IL7R: variants seen among roughly 807,000 people sequenced by gnomAD.
IL7R encodes interleukin 7 receptor, also known as interleukin-7 receptor subunit alpha.
Under a neutral mutation model 47.0 loss-of-function variants are expected in IL7R, and 38 were observed. That is an observed-to-expected ratio of 0.81 (90% CI 0.62 to 1.06). IL7R has a LOEUF of 1.06. Ranked by LOEUF, IL7R falls within the 50% of genes least tolerant of loss-of-function variation. The pLI, the probability that IL7R is intolerant of heterozygous loss-of-function variation, is 0.00. For missense variants in IL7R, 633 were observed against 534.8 expected (o/e 1.18, Z -1.81); for synonymous variants, 221 against 199.8 (o/e 1.11, Z -0.89).
chr5:35,870,382 T>A (rs1423905120), intron 3 of IL7R, among the ~76,000 whole-genome samples: 1 of 152,168 alleles, frequency 6.6e-6, no homozygotes, highest in Admixed American at 6.5e-5. Flanking sequence ...CCTGAGGACA[T>A]TCTGGAAGGT....
intron 4 of IL7R, among the ~76,000 whole-genome samples, chr5:35,871,968 C>T (rs949927745): frequency 3.3e-5 from 5 of 152,118 alleles, no homozygotes; most frequent in African/African-American, 1.2e-4. Context: ...CCAAGATTGG[C>T]CTTGTTTGTT....
rs1760261021 is a variant in IL7R at position 35,878,133 on chromosome 5, T to A, written c.*1647T>A. The A allele has an allele frequency of 4.3e-6, 1 of 233,212 alleles. No homozygotes were observed. Among genetic ancestry groups the A allele is most frequent in the Admixed American group, 5.6e-5 (1 of 17,784 alleles). The allele number at this position is 233,212 out of a possible 1,614,324, so 14.4% of individuals were successfully genotyped here. A position where few individuals can be genotyped will look rare whatever the true frequency, so the allele number is the denominator to read the frequency against. On this transcript the variant is annotated 3_prime_UTR_variant, in exon 8 of 8. Coordinates refer to ENST00000303115, the MANE Select transcript of IL7R (RefSeq NM_002185.5). ...GATGAATGGACCTTATCTGTTGGCT[T>A]AAAGGACTGGTAAGATCAGACCATC...
At chr5:35,861,632 T>G (rs1759822182) in intron 2 of IL7R, among the ~76,000 whole-genome samples, 1 of 152,162 alleles carries the variant, frequency 6.6e-6, no homozygotes, top group Non-Finnish European at 1.5e-5. Flanking sequence ...ATCCTCTCAA[T>G]GTAAATTTTC....
rs190597330 is a variant in IL7R at position 35,876,641 on chromosome 5, T to C, written c.*155T>C. 1.1e-4 allele frequency: 83 copies of C among 781,488 alleles called. No individual in the cohort carries two copies. The East Asian group carries it at 2.0e-3, about 19-fold the overall frequency. 48.4% of individuals were successfully genotyped at this position (781,488 alleles called of 1,614,324 possible). ...GATTCTGAAACATTGCTTTGACCAC[T>C]CTTCCTGAGTTCAGTGGCACTCAAC... On this transcript the variant is annotated 3_prime_UTR_variant, in exon 8 of 8. Coordinates refer to ENST00000303115, the MANE Select transcript of IL7R (RefSeq NM_002185.5).
intron 1 of IL7R, among the ~76,000 whole-genome samples, chr5:35,858,159 C>G (rs898581498): frequency 9.9e-5 from 15 of 152,114 alleles, no homozygotes; most frequent in African/African-American, 2.7e-4. Flanking sequence ...ACTAGTTCAC[C>G]CTGGTGATCA....
chr5:35,857,905 A>G (rs1368413434), intron 1 of IL7R, among the ~76,000 whole-genome samples: 1 of 152,212 alleles, frequency 6.6e-6, no homozygotes, highest in African/African-American at 2.4e-5. Context: ...GGCTATAGAC[A>G]ATATCAAACA....
At chr5:35,868,110 C>T (rs1425406063) in intron 3 of IL7R, among the ~76,000 whole-genome samples, 1 of 152,112 alleles carries the variant, frequency 6.6e-6, no homozygotes, top group Non-Finnish European at 1.5e-5. Context: ...AGCAGATTTT[C>T]TGTATTGTAC....
At chr5:35,875,716 C>T (rs1160577171) in intron 7 of IL7R, 129 bp downstream of exon 7, 24 of 819,858 alleles carry the variant, frequency 2.9e-5, no homozygotes, top group Non-Finnish European at 5.1e-5. Context: ...TAGGGTCCCT[C>T]CTAAGACCCT....
chr5:35,860,927 A>C lies in IL7R; in HGVS notation c.158A>C (p.His53Pro). ...CAGTTGGAAGTGAATGGATCGCAGC[A>C]CTCACTGACCTGTGCTTTTGAGGAC... is the stretch of plus-strand genomic sequence containing the variant. ...YSQLEVNGSQ[H>P]SLTCAFEDPD... Residue 53 changes from histidine to proline, a missense_variant, in exon 2 of 8, where the codon CAC (histidine) becomes CCC (proline). Transcript: ENST00000303115. The C allele has an allele frequency of 6.2e-7, 1 of 1,613,502 alleles. No individual in the cohort carries two copies.
chr5:35,874,675 T>G, intron 6 of IL7R, 133 bp downstream of exon 6: 2 of 752,782 alleles, frequency 2.7e-6, no homozygotes, highest in South Asian at 2.9e-5. Flanking sequence ...AGTATCCCTA[T>G]CTATCCTCAG....
At position 35,873,769 on chromosome 5, in the gene IL7R, C is replaced by T. The variant is rs918112331; in HGVS notation, c.706+121C>T. ...AAATAGGACACCCTTGGAGGGCACT[C>T]TTACACTTTCTTTGGAGAATGACTT... On this transcript the variant is annotated intron_variant, in intron 5 of 7. Transcript: ENST00000303115. 5 of 892,982 alleles carry T rather than the reference C, an allele frequency of 5.6e-6. No individual in the cohort carries two copies. The South Asian group carries it at 6.7e-5, about 12-fold the overall frequency. The allele number at this position is 892,982 out of a possible 1,614,324, so 55.3% of individuals were successfully genotyped here.
chr5:35,875,639 C>T lies in IL7R; in HGVS notation c.876+52C>T, dbSNP rs375571055. On this transcript the variant is annotated intron_variant, in intron 7 of 7. Coordinates refer to ENST00000303115, the MANE Select transcript of IL7R (RefSeq NM_002185.5). The stretch of plus-strand genomic sequence containing the variant: ...GTTGTGTTGGCAACATCCCAGTGGC[C>T]AAGAATGATATTCCAGGACAAGGAA... The T allele has an allele frequency of 1.4e-5, 18 of 1,286,592 alleles. No individual in the cohort carries two copies. The African/African-American group carries it at 2.6e-4, about 19-fold the overall frequency. The allele number at this position is 1,286,592 out of a possible 1,614,324, so 79.7% of individuals were successfully genotyped here. A position where few individuals can be genotyped will look rare whatever the true frequency, so the allele number is the denominator to read the frequency against.
In IL7R at chr5:35,876,124, C is replaced by T. The variant is rs767208665; in HGVS notation, c.1018C>T (p.Leu340Phe). ...QQLEESEKQR[L>F]GGDVQSPNCP... ...ACTAGAAGAATCTGAGAAGCAGAGG[C>T]TTGGAGGGGATGTGCAGAGCCCCAA... The change falls in exon 8 of 8, where the codon CTT becomes TTT. Residue 340 changes from leucine (L) to phenylalanine (F), a missense_variant. Leu to Phe is a conservative substitution (Grantham distance 22, BLOSUM62 0). Coordinates refer to ENST00000303115, the MANE Select transcript of IL7R (RefSeq NM_002185.5). 1.2e-6 allele frequency: 2 copies of T among 1,614,184 alleles called. No individual in the cohort carries two copies. Among genetic ancestry groups the T allele is most frequent in the South Asian group, 1.1e-5 (1 of 91,080 alleles).
chr5:35,869,223 C>T (rs1580858546), intron 3 of IL7R, among the ~76,000 whole-genome samples: 1 of 152,186 alleles, frequency 6.6e-6, no homozygotes, highest in East Asian at 1.9e-4. Context: ...CTTGTTTAAG[C>T]ATCTTCCAAC....
At chr5:35,859,629 C>T (rs185809390) in intron 1 of IL7R, among the ~76,000 whole-genome samples, 2 of 152,280 alleles carry the variant, frequency 1.3e-5, no homozygotes, top group East Asian at 3.9e-4. Context: ...GTTGCTTTGA[C>T]TGAACCAACC....
chr5:35,864,696 A>G (rs745849265), intron 2 of IL7R, among the ~76,000 whole-genome samples: 1 of 152,082 alleles, frequency 6.6e-6, no homozygotes, highest in Non-Finnish European at 1.5e-5. Flanking sequence ...AGTTCTTTAT[A>G]CATTCTGTAT....
Position 35,875,590 on chromosome 5 carries a change from G to A in IL7R, c.876+3G>A. The A allele has an allele frequency of 6.2e-7, 1 of 1,608,244 alleles. No individual in the cohort carries two copies. The highest frequency in any genetic ancestry group is 8.5e-7 in the Non-Finnish European group (1 of 1,174,648). Reference sequence around the variant, plus strand: ...ATCTTTGTAAGAAACCAAGAAAAGTGAGTGTTTTTGGTGCTTAAAAAGTGT... The same window carrying A: ...ATCTTTGTAAGAAACCAAGAAAAGTAAGTGTTTTTGGTGCTTAAAAAGTGT... On this transcript the variant is annotated splice_donor_region_variant and intron_variant, in intron 7 of 7. Coordinates refer to ENST00000303115, the MANE Select transcript of IL7R (RefSeq NM_002185.5).
At chr5:35,874,908 T>G (rs1016878506) in intron 6 of IL7R, among the ~76,000 whole-genome samples, 6 of 152,250 alleles carry the variant, frequency 3.9e-5, no homozygotes, top group Non-Finnish European at 8.8e-5. Context: ...TAATCCATGC[T>G]AAGGCTATGT....
intron 2 of IL7R, among the ~76,000 whole-genome samples, chr5:35,861,607 A>G (rs1759821082): frequency 6.6e-6 from 1 of 152,138 alleles, no homozygotes; most frequent in Non-Finnish European, 1.5e-5. Flanking sequence ...TCTTGACACA[A>G]TTTGACTTCA....
Sources: gnomAD v4.1 joint callset for allele counts (sites outside exome capture counted in the v4.1 genomes callset) on GRCh38, gnomAD v4.1.1 for gene constraint, MANE v1.5 for transcripts, NCBI Gene and HGNC (gene_info 2026-07-23, HGNC 2026-07-21) for gene names.